The following CNTN1 variants were observed in gnomAD, a reference collection of about 807,000 sequenced individuals.
CNTN1 encodes the protein contactin 1.
Under a neutral mutation model 126.4 loss-of-function variants are expected in CNTN1, and 38 were observed. That is an observed-to-expected ratio of 0.30 (90% CI 0.23 to 0.39). The LOEUF is 0.39. Among genes scored for constraint, CNTN1 ranks in the 10% least tolerant of loss-of-function variants. The pLI, the probability that CNTN1 is intolerant of heterozygous loss-of-function variation, is 1.00. For synonymous variants in CNTN1, 413 were observed against 422.6 expected (o/e 0.98, Z 0.28); for missense variants, 1,009 against 1,248.4 (o/e 0.81, Z 2.89).
At chr12:41,006,386 C>T (rs1392815297) in intron 17 of CNTN1, among the ~76,000 whole-genome samples, 2 of 152,182 alleles carry the variant, frequency 1.3e-5, no homozygotes, top group Non-Finnish European at 2.9e-5. Context: ...AGAGGCAACA[C>T]AGCTGGCAGG....
At chr12:40,974,464 T>TA (rs1028597775) in intron 15 of CNTN1, among the ~76,000 whole-genome samples, 8 of 151,640 alleles carry the variant, frequency 5.3e-5, no homozygotes, top group Non-Finnish European at 1.0e-4. Context: ...AAATAAAAAA[T>TA]AAAAAAAAGC....
chr12:40,961,903 T>G (rs1236561377), intron 15 of CNTN1, among the ~76,000 whole-genome samples: 1 of 151,858 alleles, frequency 6.6e-6, no homozygotes, highest in Non-Finnish European at 1.5e-5. Flanking sequence ...ATTAAATATG[T>G]TATGTAGTAG....
chr12:41,033,845 T>C (rs1592435251), intron 23 of CNTN1, among the ~76,000 whole-genome samples: 1 of 146,040 alleles, frequency 6.8e-6, no homozygotes, highest in Non-Finnish European at 1.5e-5. Flanking sequence ...GAGAGCATCA[T>C]GGCTAACATG....
intron 1 of CNTN1, among the ~76,000 whole-genome samples, chr12:40,851,873 A>T (rs1160209227): frequency 6.6e-6 from 1 of 152,164 alleles, no homozygotes; most frequent in Non-Finnish European, 1.5e-5. Context: ...TATAGTCAGG[A>T]TTGATGGCAT....
chr12:40,936,609 T>G (rs999749511), intron 9 of CNTN1, among the ~76,000 whole-genome samples, 172 bp from the exon 10 acceptor site: 1 of 152,114 alleles, frequency 6.6e-6, no homozygotes, highest in Non-Finnish European at 1.5e-5. Context: ...TAATACAGGA[T>G]TTGCGTAGGT....
At chr12:40,902,251 A>G (rs1054128748) in intron 1 of CNTN1, among the ~76,000 whole-genome samples, 1 of 152,166 alleles carries the variant, frequency 6.6e-6, no homozygotes. Flanking sequence ...TCTTAGTAGG[A>G]ACTTGGATCT....
At chr12:40,923,218 T>A (rs902677033) in intron 5 of CNTN1, among the ~76,000 whole-genome samples, 3 of 152,086 alleles carry the variant, frequency 2.0e-5, no homozygotes, top group African/African-American at 7.2e-5. Context: ...TTAAATTACA[T>A]GAAACATTTC....
chr12:40,770,070 A>G (rs1472864269), intron 1 of CNTN1, among the ~76,000 whole-genome samples: 7 of 152,152 alleles, frequency 4.6e-5, no homozygotes, highest in Admixed American at 6.5e-5. Context: ...CTGTAACCCT[A>G]TTGAGATTGG....
At chr12:40,893,502 T>A (rs76993036) in intron 1 of CNTN1, among the ~76,000 whole-genome samples, 8,806 of 152,060 alleles carry the variant, frequency 0.058, 631 homozygotes, top group African/African-American at 0.17. Context: ...CAATTTTTTT[T>A]AAATGTTTTA....
At chr12:40,864,417 G>A (rs1421637670) in intron 1 of CNTN1, among the ~76,000 whole-genome samples, 1 of 151,998 alleles carries the variant, frequency 6.6e-6, no homozygotes, top group African/African-American at 2.4e-5. Context: ...TTATAGTTGT[G>A]CAATCATTAA....
intron 1 of CNTN1, among the ~76,000 whole-genome samples, chr12:40,838,082 G>C (rs1034018168): frequency 1.3e-5 from 2 of 152,136 alleles, no homozygotes; most frequent in African/African-American, 2.4e-5. Flanking sequence ...TTCCCCACTC[G>C]GGGTACTGAG....
intron 1 of CNTN1, among the ~76,000 whole-genome samples, chr12:40,838,862 A>T (rs928923786): frequency 6.6e-6 from 1 of 152,188 alleles, no homozygotes; most frequent in African/African-American, 2.4e-5. Context: ...GAAGCATGAA[A>T]AAACAAGGAA....
chr12:41,025,913 A>G (rs1355941427), intron 21 of CNTN1, among the ~76,000 whole-genome samples: 1 of 152,162 alleles, frequency 6.6e-6, no homozygotes, highest in African/African-American at 2.4e-5. Context: ...GAATAAGTAA[A>G]AAGGAGAATT....
intron 1 of CNTN1, among the ~76,000 whole-genome samples, chr12:40,745,540 A>C (rs951022318): frequency 6.6e-6 from 1 of 152,136 alleles, no homozygotes; most frequent in Non-Finnish European, 1.5e-5. Context: ...CTGGGTTAAG[A>C]TAAGGGATTA....
intron 1 of CNTN1, among the ~76,000 whole-genome samples, chr12:40,718,544 G>A (rs1434101359): frequency 1.3e-5 from 2 of 152,158 alleles, no homozygotes; most frequent in African/African-American, 4.8e-5. Context: ...GCTGGGTTCA[G>A]TGAATTCAGT....
At position 41,016,808 on chromosome 12, in the gene CNTN1, G is replaced by A; in HGVS notation, c.2311G>A (p.Asp771Asn). 1 of 1,614,112 alleles carries A rather than the reference G, an allele frequency of 6.2e-7. No individual in the cohort carries two copies. Among genetic ancestry groups the A allele is most frequent in the Non-Finnish European group, 8.5e-7 (1 of 1,180,002 alleles). Reference sequence around the variant, plus strand: ...TGATACTGGCCGATATGTCCATAAAGATGAAACCATGAGCCCTTCCACTGC... The same window carrying A: ...TGATACTGGCCGATATGTCCATAAAAATGAAACCATGAGCCCTTCCACTGC... Reference protein sequence around the residue: ...NPDTGRYVHKDETMSPSTAFQ... With the variant: ...NPDTGRYVHKNETMSPSTAFQ... Residue 771 changes from aspartate to asparagine, a missense_variant, in exon 19 of 24, where the codon GAT (aspartate) becomes AAT (asparagine). Asp to Asn is a conservative substitution (Grantham distance 23). Coordinates refer to ENST00000551295, the MANE Select transcript of CNTN1 (RefSeq NM_001843.4).
chr12:40,734,796 C>T (rs576564644), intron 1 of CNTN1, among the ~76,000 whole-genome samples: 64 of 152,094 alleles, frequency 4.2e-4, no homozygotes, highest in African/African-American at 1.3e-3. Flanking sequence ...TGAAATTGCC[C>T]ATTGTATTTA....
At chr12:40,814,613 T>C (rs574663010) in intron 1 of CNTN1, among the ~76,000 whole-genome samples, 1 of 152,340 alleles carries the variant, frequency 6.6e-6, no homozygotes, top group South Asian at 2.1e-4. Flanking sequence ...GTAGTATAGT[T>C]TGAAGTCAGG....
chr12:40,888,999 G>A (rs1944150998), intron 1 of CNTN1, among the ~76,000 whole-genome samples: 1 of 152,256 alleles, frequency 6.6e-6, no homozygotes, highest in Non-Finnish European at 1.5e-5. Flanking sequence ...TGCCAGGGAT[G>A]CGCTCCATGG....
Sources: allele counts gnomAD v4.1 joint callset (sites outside exome capture counted in the v4.1 genomes callset), GRCh38; gene constraint gnomAD v4.1.1; transcripts MANE v1.5; gene names NCBI Gene and HGNC (gene_info 2026-07-23, HGNC 2026-07-21).